Variants in TRIM9 observed in about 807,000 individuals in gnomAD.
TRIM9 encodes E3 ubiquitin-protein ligase TRIM9.
A neutral mutation model predicts 78.3 loss-of-function variants in TRIM9; 26 were observed. The observed-to-expected ratio is 0.33, with a 90% CI of 0.24 to 0.46. The LOEUF (loss-of-function observed/expected upper bound fraction) is 0.46, where lower values mean the gene tolerates loss of function less well. TRIM9 is among the 20% of genes least tolerant of loss of function. The pLI is 1.00. For synonymous variants in TRIM9, 398 were observed against 416.5 expected, an observed-to-expected ratio of 0.96 and a Z score of 0.54; for missense variants, 787 against 1,036.4, an observed-to-expected ratio of 0.76 and a Z score of 3.30.
At chr14:50,989,339 T>C (rs2053176778) in intron 7 of TRIM9, among the ~76,000 whole-genome samples, 1 of 152,194 alleles carries the variant, frequency 6.6e-6, no homozygotes, top group South Asian at 2.1e-4. Context: ...GTTATGCCCA[T>C]GGGATGCAGG....
chr14:51,085,820 G>T (rs1421856474), intron 1 of TRIM9, among the ~76,000 whole-genome samples: 1 of 152,034 alleles, frequency 6.6e-6, no homozygotes, highest in African/African-American at 2.4e-5. Flanking sequence ...GCATTATTTT[G>T]TTAGAAGAGA....
chr14:50,986,199 T>A (rs2052690477), intron 7 of TRIM9, 55 bp from the exon 8 acceptor site: 1 of 1,368,344 alleles, frequency 7.3e-7, no homozygotes, highest in Non-Finnish European at 9.6e-7. Context: ...TATGTCCCCG[T>A]GCACGGTTCC....
At chr14:51,068,226 C>A (rs2061917645) in intron 1 of TRIM9, among the ~76,000 whole-genome samples, 1 of 152,074 alleles carries the variant, frequency 6.6e-6, no homozygotes, top group African/African-American at 2.4e-5. Flanking sequence ...TAGCACTATG[C>A]CAGGACCGTG....
Position 50,998,264 on chromosome 14 carries a change from G to T in TRIM9, c.1465-76C>A, listed in dbSNP as rs1030466334. On this transcript the variant is annotated intron_variant, in intron 6 of 12. Coordinates refer to ENST00000684578, the MANE Select transcript of TRIM9 (RefSeq NM_001387360.1). ...GGCGAGGGAGGCAGTGTCGCTCAGTGGTTAGGAGCAAGAGCCCTGGTGTCA... is the reference window on the plus strand; with the variant it reads ...GGCGAGGGAGGCAGTGTCGCTCAGTTGTTAGGAGCAAGAGCCCTGGTGTCA... The T allele has an allele frequency of 2.8e-6, 4 of 1,424,450 alleles. No homozygotes were observed. In the African/African-American group the frequency reaches 4.2e-5, roughly 15 times the overall value. 88.2% of individuals were successfully genotyped at this position (1,424,450 alleles called of 1,614,324 possible).
chr14:51,000,742 T>G lies in TRIM9; in HGVS notation c.1405A>C (p.Thr469Pro), dbSNP rs1204490398. The G allele has an allele frequency of 6.2e-7, 1 of 1,614,042 alleles. No individual in the cohort carries two copies. The highest frequency in any genetic ancestry group is 1.3e-5 in the African/African-American group (1 of 74,918). The change falls in exon 6 of 13, where the codon ACG becomes CCG. Residue 469 changes from threonine (T) to proline (P), a missense_variant. Transcript: ENST00000684578. Reference sequence around the variant, plus strand: ...AGAATGTATCCATCGGCGGGCACCGTGGACAGAGGTGGCTGTTTCCAGGAC... The same window carrying G: ...AGAATGTATCCATCGGCGGGCACCGGGGACAGAGGTGGCTGTTTCCAGGAC... ...TLSWKQPPLSTVPADGYILEL... is the reference protein window; with the variant it reads ...TLSWKQPPLSPVPADGYILEL...
At chr14:51,004,926 T>C (rs1291886240) in intron 5 of TRIM9, among the ~76,000 whole-genome samples, 1 of 152,208 alleles carries the variant, frequency 6.6e-6, no homozygotes, top group Non-Finnish European at 1.5e-5. Flanking sequence ...CAAATAAAGA[T>C]TCTACCTTCA....
intron 1 of TRIM9, among the ~76,000 whole-genome samples, chr14:51,083,030 C>T (rs1053795842): frequency 6.6e-6 from 1 of 152,256 alleles, no homozygotes; most frequent in Middle Eastern, 3.4e-3. Flanking sequence ...GTTCTTGCCT[C>T]ATGGAGTTGT....
At chr14:50,978,923 T>C in intron 12 of TRIM9, 1 of 1,033,694 alleles carries the variant, frequency 9.7e-7, no homozygotes, top group Non-Finnish European at 1.2e-6. Context: ...CTATGTTTTC[T>C]ACCCCTTAGG....
chr14:51,062,231 A>G (rs899552983), intron 1 of TRIM9, among the ~76,000 whole-genome samples: 1 of 152,128 alleles, frequency 6.6e-6, no homozygotes, highest in African/African-American at 2.4e-5. Flanking sequence ...GTCCTTTAAT[A>G]TGCTTACTAT....
At position 51,000,788 on chromosome 14, in the gene TRIM9, G is replaced by A; in HGVS notation, c.1359C>T (p.Thr453=). The change falls in exon 6 of 13, where the codon ACC becomes ACT. Residue 453 remains threonine, a synonymous_variant. Coordinates refer to ENST00000684578, the MANE Select transcript of TRIM9 (RefSeq NM_001387360.1). ...AGGACAACGTAGCGCTGTTGTTGTGGGTACAACATTCCTCCAGCTGTAGGA... is the reference window on the plus strand; with the variant it reads ...AGGACAACGTAGCGCTGTTGTTGTGAGTACAACATTCCTCCAGCTGTAGGA... ...TPILQLEECC[T]HNNSATLSWK... 6.2e-7 allele frequency: 1 copy of A among 1,614,172 alleles called. No individual in the cohort carries two copies. Among genetic ancestry groups the A allele is most frequent in the South Asian group, 1.1e-5 (1 of 91,082 alleles).
intron 1 of TRIM9, among the ~76,000 whole-genome samples, chr14:51,053,580 C>CTTTTTTTTTTTTTTTTTTTTTTTTTTTT: frequency 1.3e-5 from 1 of 74,808 alleles, no homozygotes; most frequent in Non-Finnish European, 2.7e-5. Context: ...TTTTAATTTT[C>CTTTTTTTTTTTTTTTTTTTTTTTTTTTT]TTTTTTTTTT....
intron 7 of TRIM9, chr14:50,996,220 A>G: frequency 2.0e-6 from 2 of 985,394 alleles, no homozygotes; most frequent in Non-Finnish European, 2.4e-6. Flanking sequence ...CATGGAGGAA[A>G]TTAATTTCTA....
At chr14:50,990,575 CT>C (rs2053372205) in intron 7 of TRIM9, among the ~76,000 whole-genome samples, 1 of 152,068 alleles carries the variant, frequency 6.6e-6, no homozygotes, top group Non-Finnish European at 1.5e-5. Context: ...AAAAGGTAGC[CT>C]TTGGGGTGTT....
At position 51,021,895 on chromosome 14, in the gene TRIM9, C is replaced by A. The variant is rs984315340; in HGVS notation, c.1041+940G>T. On this transcript the variant is annotated intron_variant, in intron 3 of 12. Coordinates refer to ENST00000684578, the MANE Select transcript of TRIM9 (RefSeq NM_001387360.1). Reference sequence around the variant, plus strand: ...GATTCCACCATGTCATGACAAAATTCTTTACAGCTTCCAACTGTAAAGTTC... The same window carrying A: ...GATTCCACCATGTCATGACAAAATTATTTACAGCTTCCAACTGTAAAGTTC... Among the ~76,000 whole-genome samples the A allele has an allele frequency of 1.3e-5, 2 of 152,178 alleles. 1 individual carries two copies. Among genetic ancestry groups the A allele is most frequent in the African/African-American group, 4.8e-5 (2 of 41,444 alleles).
chr14:51,084,572 C>G (rs978710096), intron 1 of TRIM9, among the ~76,000 whole-genome samples: 2 of 152,084 alleles, frequency 1.3e-5, no homozygotes, highest in Non-Finnish European at 2.9e-5. Context: ...GTTAAAAGCA[C>G]CATAGATTTA....
chr14:51,029,110 T>G (rs971699349), intron 1 of TRIM9, among the ~76,000 whole-genome samples: 10 of 152,164 alleles, frequency 6.6e-5, no homozygotes, highest in African/African-American at 2.2e-4. Flanking sequence ...AGTATCTTCT[T>G]TCCATTTCCC....
chr14:51,071,013 A>G (rs888548719), intron 1 of TRIM9, among the ~76,000 whole-genome samples: 1 of 152,116 alleles, frequency 6.6e-6, no homozygotes, highest in African/African-American at 2.4e-5. Flanking sequence ...TGATCCTGGA[A>G]AAAGGAATAC....
intron 1 of TRIM9, among the ~76,000 whole-genome samples, chr14:51,075,289 A>G (rs930991502): frequency 1.1e-4 from 17 of 152,160 alleles, no homozygotes; most frequent in African/African-American, 4.1e-4. Context: ...CGCCTACTCC[A>G]CGTTAATGTT....
intron 1 of TRIM9, among the ~76,000 whole-genome samples, chr14:51,093,622 C>T (rs1292696778): frequency 2.6e-5 from 4 of 152,244 alleles, no homozygotes; most frequent in Admixed American, 2.6e-4. Flanking sequence ...GTCTCCCCGA[C>T]CCTCCGCCGT....
Sources: gnomAD v4.1 joint callset for allele counts (sites outside exome capture counted in the v4.1 genomes callset) on GRCh38, gnomAD v4.1.1 for gene constraint, MANE v1.5 for transcripts, NCBI Gene and HGNC (gene_info 2026-07-23, HGNC 2026-07-21) for gene names.